Variants in PALLD observed in about 807,000 individuals in gnomAD.
PALLD encodes the protein palladin, cytoskeletal associated protein.
In PALLD, 61 loss-of-function variants were observed where a neutral mutation model predicts 123.5. The ratio of observed to expected loss-of-function variants is 0.49; its 90% CI spans 0.40 to 0.61. PALLD has a LOEUF of 0.61. Among genes scored for constraint, PALLD ranks in the 20% least tolerant of loss-of-function variants. The pLI is 0.00. For synonymous variants in PALLD, 465 were observed against 496.4 expected (o/e 0.94, Z 0.84); for missense variants, 1,273 against 1,377.0 (o/e 0.92, Z 1.20).
intron 10 of PALLD, among the ~76,000 whole-genome samples, chr4:168,865,151 C>T (rs1269302702): frequency 1.3e-5 from 2 of 152,264 alleles, no homozygotes; most frequent in East Asian, 3.8e-4. Context: ...GGCTAGGCAG[C>T]ACTGTCTTCA....
In PALLD at chr4:168,562,897, T is replaced by C. The variant is rs1170408136; in HGVS notation, c.908+50485T>C. Among the ~76,000 whole-genome samples the C allele has an allele frequency of 2.0e-5, 3 of 152,120 alleles. No homozygotes were observed. In the East Asian group the frequency reaches 5.8e-4, roughly 29 times the overall value. On this transcript the variant is annotated intron_variant, in intron 2 of 21. Coordinates refer to ENST00000505667, the MANE Select transcript of PALLD (RefSeq NM_001166108.2). The stretch of plus-strand genomic sequence containing the variant: ...TCAGAAGATGCCTGCAGCTCCATCG[T>C]TTGTGTAGAGAATGGACTATATAGA...
At chr4:168,793,311 A>G (rs1274247779) in intron 10 of PALLD, among the ~76,000 whole-genome samples, 1 of 101,126 alleles carries the variant, frequency 9.9e-6, no homozygotes, top group Admixed American at 1.0e-4. Flanking sequence ...ATATACATAT[A>G]TATGTGTGCA....
intron 10 of PALLD, among the ~76,000 whole-genome samples, chr4:168,812,492 G>C (rs4692950): frequency 0.72 from 108,924 of 152,108 alleles, 39,687 homozygotes; most frequent in African/African-American, 0.84. Context: ...ACAGGGAGTT[G>C]GGCAGAAAGT....
chr4:168,581,211 G>T (rs1001351388), intron 2 of PALLD, among the ~76,000 whole-genome samples: 1 of 151,884 alleles, frequency 6.6e-6, no homozygotes, highest in African/African-American at 2.4e-5. Flanking sequence ...TACCATGAAC[G>T]TGGGAGTGCA....
chr4:168,802,418 T>G (rs1739477510), intron 10 of PALLD, among the ~76,000 whole-genome samples: 1 of 152,184 alleles, frequency 6.6e-6, no homozygotes, highest in Non-Finnish European at 1.5e-5. Context: ...AATCACATCC[T>G]TTACAGCAAC....
intron 3 of PALLD, among the ~76,000 whole-genome samples, chr4:168,670,520 TC>T (rs553209676): frequency 3.3e-4 from 47 of 142,090 alleles, no homozygotes; most frequent in Admixed American, 2.5e-3. Flanking sequence ...GATCATGAGG[TC>T]AGGAGATCGA....
At chr4:168,775,500 T>A (rs955826251) in intron 10 of PALLD, among the ~76,000 whole-genome samples, 11 of 152,182 alleles carry the variant, frequency 7.2e-5, no homozygotes, top group Admixed American at 2.0e-4. Flanking sequence ...GTGGATTTTT[T>A]AAAAATTTCC....
intron 10 of PALLD, among the ~76,000 whole-genome samples, chr4:168,752,666 C>G (rs1300456536): frequency 6.6e-6 from 1 of 152,142 alleles, no homozygotes; most frequent in Non-Finnish European, 1.5e-5. Context: ...TACACACTTT[C>G]AAATGATCCT....
chr4:168,795,149 C>A (rs72988904), intron 10 of PALLD, among the ~76,000 whole-genome samples: 1 of 152,238 alleles, frequency 6.6e-6, no homozygotes, highest in African/African-American at 2.4e-5. Flanking sequence ...AAAACCATCA[C>A]GCCAGCAATT....
At chr4:168,770,303 C>T (rs755986121) in intron 10 of PALLD, among the ~76,000 whole-genome samples, 1 of 152,156 alleles carries the variant, frequency 6.6e-6, no homozygotes, top group Non-Finnish European at 1.5e-5. Flanking sequence ...GCCTGTCTCC[C>T]TTCAGGCAAG....
chr4:168,825,736 C>T (rs1386677323), intron 10 of PALLD, among the ~76,000 whole-genome samples: 1 of 100,318 alleles, frequency 1.0e-5, no homozygotes, highest in African/African-American at 2.9e-5. Flanking sequence ...AGTTTTACTT[C>T]CTGTATTTCT....
chr4:168,525,551 A>G (rs899525895), intron 2 of PALLD, among the ~76,000 whole-genome samples: 2 of 152,238 alleles, frequency 1.3e-5, no homozygotes, highest in Admixed American at 6.5e-5. Context: ...ACTCAGCTCT[A>G]CAAATATCTT....
At chr4:168,626,083 A>G (rs1334833048) in intron 2 of PALLD, among the ~76,000 whole-genome samples, 15 of 136,220 alleles carry the variant, frequency 1.1e-4, no homozygotes, top group South Asian at 2.5e-4. Context: ...CTAACATGGT[A>G]AAACCTCGTC....
intron 10 of PALLD, among the ~76,000 whole-genome samples, chr4:168,764,806 C>T (rs573075119): frequency 6.6e-6 from 1 of 152,240 alleles, no homozygotes; most frequent in East Asian, 1.9e-4. Context: ...CTCTAACCTG[C>T]TCCTTTGGTT....
intron 11 of PALLD, among the ~76,000 whole-genome samples, chr4:168,892,266 T>C (rs1220420316): frequency 1.3e-5 from 2 of 152,176 alleles, no homozygotes; most frequent in African/African-American, 4.8e-5. Context: ...TATTAAGGAA[T>C]TGTCACTGGA....
chr4:168,742,988 C>T lies in PALLD; in HGVS notation c.1964+31065C>T, dbSNP rs144327296. On this transcript the variant is annotated intron_variant, in intron 10 of 21. Transcript: ENST00000505667. ...TTCTCTTCTGTAATCTCCATTTGCC[C>T]GACCACCTCCTACCATCTTTTAGTT... 2.1e-4 allele frequency among the ~76,000 whole-genome samples: 32 copies of T among 152,146 alleles called. No individual in the cohort carries two copies. In the Middle Eastern group the frequency reaches 0.01, roughly 49 times the overall value.
At chr4:168,697,391 G>C (rs1254735809) in intron 8 of PALLD, among the ~76,000 whole-genome samples, 6 of 152,234 alleles carry the variant, frequency 3.9e-5, no homozygotes, top group African/African-American at 2.4e-5. Context: ...GCATCCCCAG[G>C]AGGGTGACAG....
chr4:168,522,481 A>G (rs554658320), intron 2 of PALLD, among the ~76,000 whole-genome samples: 9 of 152,320 alleles, frequency 5.9e-5, no homozygotes. Context: ...AAACTACTCA[A>G]TGTCTCAAAT....
chr4:168,771,501 T>G (rs2150502011), intron 10 of PALLD, among the ~76,000 whole-genome samples: 1 of 152,282 alleles, frequency 6.6e-6, no homozygotes, highest in South Asian at 2.1e-4. Flanking sequence ...CCCGGAGGCA[T>G]AGAAGGCAGG....
Sources: allele counts gnomAD v4.1 joint callset (sites outside exome capture counted in the v4.1 genomes callset), GRCh38; gene constraint gnomAD v4.1.1; transcripts MANE v1.5; gene names NCBI Gene and HGNC (gene_info 2026-07-23, HGNC 2026-07-21).